FNDC3B: variants seen among roughly 807,000 people sequenced by gnomAD.
FNDC3B encodes fibronectin type III domain-containing protein 3B.
In FNDC3B, 12 loss-of-function variants were observed where a neutral mutation model predicts 151.5. The ratio of observed to expected loss-of-function variants is 0.08; its 90% CI spans 0.05 to 0.13. The LOEUF is 0.13. Among genes scored for constraint, FNDC3B ranks in the 10% least tolerant of loss-of-function variants. FNDC3B has a pLI of 1.00. For synonymous variants in FNDC3B, 528 were observed against 549.0 expected, an observed-to-expected ratio of 0.96 and a Z score of 0.54; for missense variants, 1,214 against 1,505.3, an observed-to-expected ratio of 0.81 and a Z score of 3.20.
intron 25 of FNDC3B, among the ~76,000 whole-genome samples, chr3:172,382,934 T>C (rs979667991): frequency 3.9e-5 from 6 of 152,174 alleles, no homozygotes; most frequent in Non-Finnish European, 7.4e-5. Flanking sequence ...TTGCTTAGGA[T>C]TGTCTTGGCT....
chr3:172,362,131 A>G (rs1734395872), intron 22 of FNDC3B, among the ~76,000 whole-genome samples: 1 of 152,240 alleles, frequency 6.6e-6, no homozygotes, highest in Admixed American at 6.5e-5. Context: ...CAATATCTGC[A>G]TGCTTAGCTC....
intron 22 of FNDC3B, among the ~76,000 whole-genome samples, chr3:172,358,735 A>G (rs1482699752): frequency 6.6e-6 from 1 of 152,180 alleles, no homozygotes; most frequent in East Asian, 1.9e-4. Flanking sequence ...TTTACTGTGG[A>G]GTATAAAATA....
rs370788423 is a variant in FNDC3B, at chr3:172,344,271, C to T, written c.2250+13C>T. On this transcript the variant is annotated intron_variant, in intron 19 of 25. Transcript: ENST00000415807. The stretch of plus-strand genomic sequence containing the variant: ...GAATGATGGAGGGGTGAGTATAAGC[C>T]CATACACCATAACCAGAATCAGAAT... The T allele has an allele frequency of 3.9e-5, 63 of 1,600,018 alleles. No individual in the cohort carries two copies. Among genetic ancestry groups the T allele is most frequent in the Middle Eastern group, 1.7e-4 (1 of 5,998 alleles).
At chr3:172,111,217 A>G (rs1172085096) in intron 1 of FNDC3B, among the ~76,000 whole-genome samples, 2 of 152,156 alleles carry the variant, frequency 1.3e-5, no homozygotes, top group African/African-American at 4.8e-5. Flanking sequence ...TGAAATAGAC[A>G]TTAGATTTCT....
intron 3 of FNDC3B, among the ~76,000 whole-genome samples, chr3:172,158,836 CTCT>C (rs1353011410): frequency 6.6e-6 from 1 of 152,122 alleles, no homozygotes; most frequent in Non-Finnish European, 1.5e-5. Context: ...GGTTGAAAGG[CTCT>C]TCTTCTCTTT....
intron 3 of FNDC3B, chr3:172,184,496 T>A (rs1419011384): frequency 6.6e-6 from 1 of 151,798 alleles, no homozygotes; most frequent in South Asian, 2.1e-4. Context: ...AAGGCAAGAG[T>A]TGAGCGGAAA....
chr3:172,076,480 T>C (rs1345640134), intron 1 of FNDC3B, among the ~76,000 whole-genome samples: 1 of 152,254 alleles, frequency 6.6e-6, no homozygotes, highest in African/African-American at 2.4e-5. Context: ...ACCATGTTAT[T>C]GTAGACTGTC....
intron 1 of FNDC3B, among the ~76,000 whole-genome samples, chr3:172,055,462 T>C (rs549740078): frequency 1.3e-5 from 2 of 152,304 alleles, no homozygotes; most frequent in African/African-American, 2.4e-5. Context: ...AGGGAAACAG[T>C]GTCACTTCCT....
At chr3:172,286,104 C>T (rs967537081) in intron 7 of FNDC3B, 120 bp downstream of exon 7, 51 of 693,832 alleles carry the variant, frequency 7.4e-5, no homozygotes, top group Non-Finnish European at 4.5e-5. Context: ...GCAGATTACT[C>T]ATCAACTATG....
At chr3:172,093,412 C>T (rs1718940562) in intron 1 of FNDC3B, among the ~76,000 whole-genome samples, 1 of 152,072 alleles carries the variant, frequency 6.6e-6, no homozygotes, top group African/African-American at 2.4e-5. Flanking sequence ...GCGCCCGCCA[C>T]CGCACCCGGC....
At chr3:172,079,119 A>G (rs1718162170) in intron 1 of FNDC3B, among the ~76,000 whole-genome samples, 1 of 152,210 alleles carries the variant, frequency 6.6e-6, no homozygotes, top group South Asian at 2.1e-4. Context: ...ATCTGGCCCT[A>G]GATTTATAAA....
intron 3 of FNDC3B, among the ~76,000 whole-genome samples, chr3:172,137,665 GT>G (rs1459639063): frequency 6.6e-6 from 1 of 152,046 alleles, no homozygotes; most frequent in Non-Finnish European, 1.5e-5. Flanking sequence ...AAAAAAATGT[GT>G]TTTTATGGGA....
intron 1 of FNDC3B, among the ~76,000 whole-genome samples, chr3:172,061,382 G>A (rs1177910035): frequency 1.3e-5 from 2 of 151,812 alleles, no homozygotes; most frequent in African/African-American, 2.4e-5. Flanking sequence ...ACAGGTGCCC[G>A]CCACCAAGCC....
intron 22 of FNDC3B, among the ~76,000 whole-genome samples, chr3:172,359,657 C>T (rs537045490): frequency 3.3e-5 from 5 of 151,862 alleles, no homozygotes; most frequent in Admixed American, 6.6e-5. Context: ...TTCCAGTTGC[C>T]GAAAAATATG....
At chr3:172,288,100 G>GT (rs1730120612) in intron 7 of FNDC3B, among the ~76,000 whole-genome samples, 1 of 152,310 alleles carries the variant, frequency 6.6e-6, no homozygotes, top group East Asian at 1.9e-4. Flanking sequence ...TGCTCACTTA[G>GT]TAGCCTTTTG....
rs1269639185 is a variant in FNDC3B at position 172,174,933 on chromosome 3, ACCCCC to A, written c.187+41396_187+41400del. 1.6e-4 allele frequency among the ~76,000 whole-genome samples: 3 copies of A among 18,260 alleles called. 1 individual carries two copies. Among genetic ancestry groups the A allele is most frequent in the Non-Finnish European group, 2.3e-4 (2 of 8,788 alleles). The allele number at this position is 18,260 out of a possible 152,430, so 12.0% of individuals were successfully genotyped here. A position where few individuals can be genotyped will look rare whatever the true frequency, so the allele number is the denominator to read the frequency against. On this transcript the variant is annotated intron_variant, in intron 3 of 25. Coordinates refer to ENST00000415807, the MANE Select transcript of FNDC3B (RefSeq NM_022763.4). ...GGACTTTGGAGACCTTCCCCCCGCCACCCCCCCCCCCCCAATACAATTTGCTGTCC... is the reference window on the plus strand; with the variant it reads ...GGACTTTGGAGACCTTCCCCCCGCCACCCCCCCCAATACAATTTGCTGTCC...
At chr3:172,050,700 CGTGTGTGTGTGTGTGT>C (rs71975191) in intron 1 of FNDC3B, among the ~76,000 whole-genome samples, 3 of 144,994 alleles carry the variant, frequency 2.1e-5, no homozygotes, top group Admixed American at 6.9e-5. Context: ...GGTATATTTT[CGTGTGTGTGTGTGTGT>C]GTGTGTGTGT....
chr3:172,118,098 G>T (rs754672398), intron 2 of FNDC3B, among the ~76,000 whole-genome samples: 1 of 152,094 alleles, frequency 6.6e-6, no homozygotes, highest in Non-Finnish European at 1.5e-5. Context: ...GTTTCCTCTA[G>T]GCAGAATATG....
At chr3:172,270,742 C>T (rs1024696916) in intron 6 of FNDC3B, among the ~76,000 whole-genome samples, 11 of 152,222 alleles carry the variant, frequency 7.2e-5, no homozygotes, top group Admixed American at 7.2e-4. Flanking sequence ...CAGAAGATAA[C>T]ATGCAGAGCT....
Sources: gnomAD v4.1 joint callset for allele counts (sites outside exome capture counted in the v4.1 genomes callset) on GRCh38, gnomAD v4.1.1 for gene constraint, MANE v1.5 for transcripts, NCBI Gene and HGNC (gene_info 2026-07-23, HGNC 2026-07-21) for gene names.